CHEK2: variants seen among roughly 807,000 people sequenced by gnomAD.
The protein encoded by CHEK2 is serine/threonine-protein kinase Chk2.
In CHEK2, 71 loss-of-function variants were observed where a neutral mutation model predicts 69.1. That is an observed-to-expected ratio of 1.03 (90% CI 0.85 to 1.25). CHEK2 has a LOEUF of 1.25. Ranked by LOEUF, CHEK2 falls within the 50% of genes most tolerant of loss-of-function variation. CHEK2 has a pLI of 0.00. For missense variants in CHEK2, 664 were observed against 649.6 expected (o/e 1.02, Z -0.24); for synonymous variants, 189 against 226.9 (o/e 0.83, Z 1.50).
At position 28,699,888 on chromosome 22, in the gene CHEK2, T is replaced by C. The variant is rs587782480; in HGVS notation, c.958A>G (p.Lys320Glu). 4 of 1,614,162 alleles carry C rather than the reference T, an allele frequency of 2.5e-6. No individual in the cohort carries two copies. Among genetic ancestry groups the C allele is most frequent in the Non-Finnish European group, 3.4e-6 (4 of 1,180,006 alleles). Residue 320 changes from lysine to glutamate, a missense_variant, in exon 9 of 15, where the codon AAA (lysine) becomes GAA (glutamate). Transcript: ENST00000404276. ...AAATAGAGCTTGCAGGTAGCTTCTT[T>C]CAGGCGTTTATTCCCCACCACTTTG... Reference protein sequence around the residue: ...FDKVVGNKRLKEATCKLYFYQ... With the variant: ...FDKVVGNKRLEEATCKLYFYQ...
chr22:28,727,009 C>G (rs2054034606), intron 2 of CHEK2, among the ~76,000 whole-genome samples: 2 of 151,982 alleles, frequency 1.3e-5, no homozygotes, highest in African/African-American at 2.4e-5. Flanking sequence ...CTACACAACA[C>G]TATCTGCCTT....
At chr22:28,705,412 G>A (rs1489435866) in intron 7 of CHEK2, among the ~76,000 whole-genome samples, 5 of 152,000 alleles carry the variant, frequency 3.3e-5, no homozygotes, top group Admixed American at 1.3e-4. Flanking sequence ...ACACTCAAAG[G>A]AAATACTCAT....
intron 13 of CHEK2, 22 bp from the exon 14 acceptor site, chr22:28,689,237 A>C (rs757998634): frequency 7.1e-7 from 1 of 1,404,652 alleles, no homozygotes; most frequent in East Asian, 2.3e-5. Flanking sequence ...TTAAAAACAT[A>C]AGTAGCTGTG....
intron 2 of CHEK2, among the ~76,000 whole-genome samples, chr22:28,732,978 G>C (rs1354507714): frequency 6.6e-6 from 1 of 152,124 alleles, no homozygotes; most frequent in Non-Finnish European, 1.5e-5. Flanking sequence ...TTTCAGGAGA[G>C]ACAGGGTTTT....
chr22:28,709,459 C>A lies in CHEK2; in HGVS notation c.846+547G>T, dbSNP rs17880807. Among the ~76,000 whole-genome samples the A allele has an allele frequency of 1.2e-3, 181 of 152,212 alleles. No individual in the cohort carries two copies. The East Asian group carries it at 0.025, about 21-fold the overall frequency. On this transcript the variant is annotated intron_variant, in intron 7 of 14. Transcript: ENST00000404276. Reference sequence around the variant, plus strand: ...TCAAGAACTAACTCAGAAGAAATATCATTTGTTTATTTAATCATGAAATCT... The same window carrying A: ...TCAAGAACTAACTCAGAAGAAATATAATTTGTTTATTTAATCATGAAATCT...
At chr22:28,708,244 G>C (rs2053231381) in intron 7 of CHEK2, among the ~76,000 whole-genome samples, 1 of 152,050 alleles carries the variant, frequency 6.6e-6, no homozygotes, top group Admixed American at 6.6e-5. Context: ...TATAGTCCCA[G>C]CTACTCAGGA....
At chr22:28,724,555 G>A in intron 4 of CHEK2, 1 of 273,488 alleles carries the variant, frequency 3.7e-6, no homozygotes. Context: ...AATCTTGAGT[G>A]CTAACTTACT....
At chr22:28,708,361 A>ATGTGCGTG (rs200869651) in intron 7 of CHEK2, among the ~76,000 whole-genome samples, 19 of 104,460 alleles carry the variant, frequency 1.8e-4, no homozygotes, top group Non-Finnish European at 2.9e-4. Context: ...GTCTCTAAAA[A>ATGTGCGTG]TATGTGTGTG....
chr22:28,732,720 T>A (rs2054255898), intron 2 of CHEK2, among the ~76,000 whole-genome samples: 1 of 152,146 alleles, frequency 6.6e-6, no homozygotes, highest in Non-Finnish European at 1.5e-5. Flanking sequence ...AAATGATACA[T>A]CAGTCCTTCA....
intron 4 of CHEK2, 134 bp from the exon 5 acceptor site, chr22:28,719,619 T>C (rs1430567026): frequency 8.2e-6 from 5 of 610,248 alleles, no homozygotes; most frequent in South Asian, 2.0e-5. Context: ...TTAAGGAAAT[T>C]AGTATGTATG....
Position 28,719,414 on chromosome 22 carries a change from T to C in CHEK2, c.664A>G (p.Met222Val), listed in dbSNP as rs786203472. Residue 222 changes from methionine to valine, a missense_variant, in exon 5 of 15, where the codon ATG becomes GTG. Physicochemically the swap from Met to Val is conservative, Grantham distance 21 (BLOSUM62 1). Coordinates refer to ENST00000404276, the MANE Select transcript of CHEK2 (RefSeq NM_007194.4). ...ATTTACCTTCCAAGAGTTTTTGACA[T>C]GATGTATTCATCTCTTAATGCCTTA... Reference protein sequence around the residue: ...YPKALRDEYIMSKTLGSGACG... With the variant: ...YPKALRDEYIVSKTLGSGACG... 6.9e-6 allele frequency: 11 copies of C among 1,589,002 alleles called. No homozygotes were observed. Among genetic ancestry groups the C allele is most frequent in the Non-Finnish European group, 8.6e-6 (10 of 1,165,434 alleles).
intron 5 of CHEK2, among the ~76,000 whole-genome samples, chr22:28,715,312 C>G (rs549260196): frequency 7.9e-5 from 12 of 152,294 alleles, no homozygotes; most frequent in African/African-American, 2.9e-4. Flanking sequence ...ACCAGACCAT[C>G]AGAACTCAAA....
chr22:28,721,917 G>A (rs1277343760), intron 4 of CHEK2, among the ~76,000 whole-genome samples: 1 of 151,912 alleles, frequency 6.6e-6, no homozygotes, highest in Non-Finnish European at 1.5e-5. Flanking sequence ...GTTTGGCAGA[G>A]ATGGGGTCTC....
intron 5 of CHEK2, among the ~76,000 whole-genome samples, chr22:28,714,244 T>C (rs1427904378): frequency 6.6e-6 from 1 of 152,214 alleles, no homozygotes; most frequent in Non-Finnish European, 1.5e-5. Context: ...TGTTTCCTTA[T>C]TATGGTCAGC....
At chr22:28,732,261 G>C (rs561329697) in intron 2 of CHEK2, among the ~76,000 whole-genome samples, 1 of 152,054 alleles carries the variant, frequency 6.6e-6, no homozygotes, top group East Asian at 1.9e-4. Context: ...ACAGGAGCCC[G>C]CCACCATGCC....
At chr22:28,699,530 A>G (rs919584360) in intron 9 of CHEK2, among the ~76,000 whole-genome samples, 3 of 151,774 alleles carry the variant, frequency 2.0e-5, no homozygotes, top group African/African-American at 7.3e-5. Context: ...ACACCCAGCT[A>G]ATTTTTGTAT....
At chr22:28,725,441 C>T (rs754805825) in intron 2 of CHEK2, 74 bp from the exon 3 acceptor site, 11 of 1,561,662 alleles carry the variant, frequency 7.0e-6, no homozygotes, top group Non-Finnish European at 7.9e-6. Flanking sequence ...CTCATAAATG[C>T]TAATTGTAGG....
intron 13 of CHEK2, among the ~76,000 whole-genome samples, chr22:28,690,408 C>T (rs1415170769): frequency 6.6e-6 from 1 of 151,558 alleles, no homozygotes; most frequent in African/African-American, 2.4e-5. Context: ...GCAGGCGAAT[C>T]GCCTGAGGTC....
At chr22:28,722,869 G>A (rs1421686806) in intron 4 of CHEK2, among the ~76,000 whole-genome samples, 1 of 152,014 alleles carries the variant, frequency 6.6e-6, no homozygotes, top group Non-Finnish European at 1.5e-5. Context: ...GACTCATGCC[G>A]CAGCCCCTAG....
Sources: allele counts gnomAD v4.1 joint callset (sites outside exome capture counted in the v4.1 genomes callset), GRCh38; gene constraint gnomAD v4.1.1; transcripts MANE v1.5; gene names NCBI Gene and HGNC (gene_info 2026-07-23, HGNC 2026-07-21).